SPIDR: variants seen among roughly 807,000 people sequenced by gnomAD.
SPIDR encodes scaffold protein involved in DNA repair.
In SPIDR, 93 loss-of-function variants were observed where a neutral mutation model predicts 104.6. The ratio of observed to expected loss-of-function variants is 0.89; its 90% CI spans 0.75 to 1.06. The LOEUF (loss-of-function observed/expected upper bound fraction) is 1.06. Among genes scored for constraint, SPIDR ranks in the 50% least tolerant of loss-of-function variants. The probability of loss-of-function intolerance (pLI) is 0.00; values close to 1 mark genes in which losing one functional copy is unlikely to be tolerated. For missense variants in SPIDR, 1,154 were observed against 1,111.2 expected, an observed-to-expected ratio of 1.04 and a Z score of -0.55; for synonymous variants, 431 against 416.9, an observed-to-expected ratio of 1.03 and a Z score of -0.41.
chr8:47,669,702 G>A (rs1184752407), intron 10 of SPIDR, among the ~76,000 whole-genome samples: 1 of 152,036 alleles, frequency 6.6e-6, no homozygotes, highest in Non-Finnish European at 1.5e-5. Context: ...CTTTTGCATA[G>A]GTTAAAAAAA....
intron 5 of SPIDR, among the ~76,000 whole-genome samples, chr8:47,369,523 G>A (rs2057708396): frequency 6.6e-6 from 1 of 152,024 alleles, no homozygotes; most frequent in East Asian, 1.9e-4. Flanking sequence ...TGCCCTCTTT[G>A]GCCACTTCTG....
At chr8:47,627,527 C>G (rs964837313) in intron 10 of SPIDR, among the ~76,000 whole-genome samples, 2 of 152,058 alleles carry the variant, frequency 1.3e-5, no homozygotes, top group Non-Finnish European at 2.9e-5. Context: ...TATTTTCATA[C>G]GAAAACCAAA....
rs1197103992 is a variant in SPIDR, at chr8:47,654,056, G to A, written c.1545-19745G>A. The A allele has an allele frequency of 1.7e-5, 22 of 1,289,500 alleles. No individual in the cohort carries two copies. The East Asian group carries it at 2.2e-4, about 13-fold the overall frequency. The allele number at this position is 1,289,500 out of a possible 1,614,324, so 79.9% of individuals were successfully genotyped here. A position where few individuals can be genotyped will look rare whatever the true frequency, so the allele number is the denominator to read the frequency against. On this transcript the variant is annotated intron_variant, in intron 10 of 19. Coordinates refer to ENST00000297423, the MANE Select transcript of SPIDR (RefSeq NM_001080394.4). ...GGCGGGAGCCAAGACAGATAGGGGC[G>A]TGGTAGCAGCATCTTGATCTTCTTA...
chr8:47,417,688 A>G (rs1224852248), intron 7 of SPIDR, among the ~76,000 whole-genome samples: 1 of 152,188 alleles, frequency 6.6e-6, no homozygotes, highest in Non-Finnish European at 1.5e-5. Flanking sequence ...TTAGACGTGA[A>G]GTCCTTGCCC....
chr8:47,555,843 T>C (rs1462049496), intron 8 of SPIDR, among the ~76,000 whole-genome samples: 1 of 152,250 alleles, frequency 6.6e-6, no homozygotes, highest in Non-Finnish European at 1.5e-5. Context: ...TACCACACTG[T>C]AATTTCCAGC....
At chr8:47,400,167 C>G (rs1317855115) in intron 6 of SPIDR, among the ~76,000 whole-genome samples, 1 of 152,192 alleles carries the variant, frequency 6.6e-6, no homozygotes, top group African/African-American at 2.4e-5. Flanking sequence ...AAGAGCAAGG[C>G]CATCCTTCCT....
intron 7 of SPIDR, among the ~76,000 whole-genome samples, chr8:47,435,550 G>A (rs1554691559): frequency 6.6e-6 from 1 of 151,858 alleles, no homozygotes; most frequent in East Asian, 1.9e-4. Context: ...CTTCTTCATT[G>A]AATCTTTCTG....
chr8:47,420,702 C>G (rs1293155704), intron 7 of SPIDR, among the ~76,000 whole-genome samples: 6 of 152,192 alleles, frequency 3.9e-5, no homozygotes, highest in African/African-American at 1.4e-4. Flanking sequence ...GCAGTTTCTT[C>G]TTAGCCTCGA....
chr8:47,533,919 G>A lies in SPIDR; in HGVS notation c.1098-61892G>A, dbSNP rs572704333. On this transcript the variant is annotated intron_variant, in intron 8 of 19. Transcript: ENST00000297423. ...CAACCCAGTGATCCCATTACTGGGT[G>A]ATAAGGTTTGGCTCTGTGTCCCCAC... Among the ~76,000 whole-genome samples, 58 of 152,266 alleles carry A rather than the reference G, an allele frequency of 3.8e-4. 1 individual carries two copies. The South Asian group carries it at 0.012, about 31-fold the overall frequency.
At chr8:47,422,328 C>T (rs1185422292) in intron 7 of SPIDR, among the ~76,000 whole-genome samples, 4 of 152,214 alleles carry the variant, frequency 2.6e-5, no homozygotes, top group Admixed American at 2.6e-4. Flanking sequence ...CTCCCCCAGC[C>T]TCACTGCCCC....
intron 3 of SPIDR, among the ~76,000 whole-genome samples, chr8:47,287,165 A>G (rs2039001325): frequency 6.6e-6 from 1 of 152,048 alleles, no homozygotes; most frequent in South Asian, 2.1e-4. Context: ...AACAGGGAGT[A>G]GGTCACAAAG....
intron 11 of SPIDR, among the ~76,000 whole-genome samples, chr8:47,677,429 AC>A (rs1395073303): frequency 1.3e-5 from 2 of 152,162 alleles, no homozygotes; most frequent in Non-Finnish European, 2.9e-5. Flanking sequence ...GGGAAAGGAG[AC>A]CTCTTTCAGT....
chr8:47,665,645 G>A (rs2074807366), intron 10 of SPIDR, among the ~76,000 whole-genome samples: 2 of 152,170 alleles, frequency 1.3e-5, no homozygotes, highest in Admixed American at 1.3e-4. Flanking sequence ...TCTTAAAATA[G>A]GCGATACATT....
intron 8 of SPIDR, among the ~76,000 whole-genome samples, chr8:47,490,780 G>A (rs1169317802): frequency 6.6e-6 from 1 of 152,178 alleles, no homozygotes; most frequent in Non-Finnish European, 1.5e-5. Context: ...CTCACTCATA[G>A]GTGAGAATTG....
At chr8:47,284,213 GT>G in intron 3 of SPIDR, 119 bp downstream of exon 3, 1 of 676,180 alleles carries the variant, frequency 1.5e-6, no homozygotes. Flanking sequence ...TATATTCATA[GT>G]TAAAAAACAT....
chr8:47,284,175 T>G, intron 3 of SPIDR, 81 bp downstream of exon 3: 1 of 1,191,412 alleles, frequency 8.4e-7, no homozygotes, highest in East Asian at 2.3e-5. Flanking sequence ...ATTTGCTGTT[T>G]TAAAAAAGTG....
chr8:47,455,161 TTAA>T (rs2072709698), intron 8 of SPIDR, among the ~76,000 whole-genome samples: 1 of 152,134 alleles, frequency 6.6e-6, no homozygotes, highest in Non-Finnish European at 1.5e-5. Flanking sequence ...GCAAGTGCAT[TTAA>T]TAATACTTAC....
At chr8:47,322,714 T>G (rs905446528) in intron 5 of SPIDR, among the ~76,000 whole-genome samples, 6 of 151,980 alleles carry the variant, frequency 3.9e-5, no homozygotes, top group South Asian at 4.1e-4. Context: ...ATAGACTGGA[T>G]TAAGAAAATG....
chr8:47,286,642 T>C (rs1247234260), intron 3 of SPIDR, among the ~76,000 whole-genome samples: 2 of 152,010 alleles, frequency 1.3e-5, no homozygotes, highest in Non-Finnish European at 2.9e-5. Flanking sequence ...CCAGGGAAAA[T>C]ACTGTGGCTC....
Sources: gnomAD v4.1 joint callset for allele counts (sites outside exome capture counted in the v4.1 genomes callset) on GRCh38, gnomAD v4.1.1 for gene constraint, MANE v1.5 for transcripts, NCBI Gene and HGNC (gene_info 2026-07-23, HGNC 2026-07-21) for gene names.